ROR1: variants seen among roughly 807,000 people sequenced by gnomAD.
The protein encoded by ROR1 is ROR family WNT receptor 1, also known as inactive tyrosine-protein kinase transmembrane receptor ROR1.
A neutral mutation model predicts 78.8 loss-of-function variants in ROR1; 19 were observed. The observed-to-expected ratio is 0.24, with a 90% CI of 0.17 to 0.35. The LOEUF (loss-of-function observed/expected upper bound fraction) is 0.35. ROR1 is among the 10% of genes least tolerant of loss of function. The pLI, the probability that ROR1 is intolerant of heterozygous loss-of-function variation, is 1.00. For synonymous variants in ROR1, 386 were observed against 433.6 expected (o/e 0.89, Z 1.36); for missense variants, 917 against 1,177.8 (o/e 0.78, Z 3.24).
At chr1:63,839,398 A>ATCTG (rs1174286835) in intron 1 of ROR1, among the ~76,000 whole-genome samples, 1 of 145,708 alleles carries the variant, frequency 6.9e-6, no homozygotes, top group Non-Finnish European at 1.5e-5. Flanking sequence ...CTATCTATCT[A>ATCTG]TCTAATTTGG....
At chr1:64,123,603 A>G (rs566244796) in intron 4 of ROR1, among the ~76,000 whole-genome samples, 1 of 152,232 alleles carries the variant, frequency 6.6e-6, no homozygotes, top group African/African-American at 2.4e-5. Flanking sequence ...CAAACAGTTC[A>G]TGTAATAACT....
chr1:64,069,175 T>TA lies in ROR1; in HGVS notation c.482+18469dup, dbSNP rs544365037. Among the ~76,000 whole-genome samples, 64 of 150,026 alleles carry TA rather than the reference T, an allele frequency of 4.3e-4. 1 individual carries two copies. The highest frequency in any genetic ancestry group is 6.3e-4 in the African/African-American group (26 of 41,020). On this transcript the variant is annotated intron_variant, in intron 4 of 8. Coordinates refer to ENST00000371079, the MANE Select transcript of ROR1 (RefSeq NM_005012.4). ...TTTTAACTGGTGGCGGGGGGAACTT[T>TA]AAAAAAAAAATCAAAATCACTGTGT... is the stretch of plus-strand genomic sequence containing the variant.
chr1:63,830,567 A>G (rs1644981343), intron 1 of ROR1, among the ~76,000 whole-genome samples: 1 of 152,074 alleles, frequency 6.6e-6, no homozygotes, highest in Non-Finnish European at 1.5e-5. Context: ...GCATGGGGGA[A>G]AGCACCCCCA....
At chr1:63,850,300 AT>A (rs34675461) in intron 1 of ROR1, among the ~76,000 whole-genome samples, 64,137 of 152,074 alleles carry the variant, frequency 0.42, 16,522 homozygotes, top group African/African-American at 0.73. Flanking sequence ...TCCTGCCTTC[AT>A]TTTTTTGTGT....
At chr1:64,068,895 C>T (rs1445362863) in intron 4 of ROR1, among the ~76,000 whole-genome samples, 1 of 152,140 alleles carries the variant, frequency 6.6e-6, no homozygotes, top group Admixed American at 6.5e-5. Flanking sequence ...TCAAGTTTCT[C>T]TTGTATGTCA....
chr1:63,870,059 G>A (rs529046728), intron 1 of ROR1, among the ~76,000 whole-genome samples: 1 of 152,306 alleles, frequency 6.6e-6, no homozygotes, highest in East Asian at 1.9e-4. Flanking sequence ...GGAAAAATGT[G>A]TGTGGGCTCA....
intron 1 of ROR1, among the ~76,000 whole-genome samples, chr1:63,827,587 T>C (rs1405854863): frequency 6.6e-6 from 1 of 152,170 alleles, no homozygotes; most frequent in Non-Finnish European, 1.5e-5. Flanking sequence ...TGCCAAGGCG[T>C]TGATGACACA....
At chr1:63,981,289 T>A (rs285346) in intron 1 of ROR1, among the ~76,000 whole-genome samples, 2 of 151,890 alleles carry the variant, frequency 1.3e-5, no homozygotes, top group Non-Finnish European at 2.9e-5. Context: ...TGACCCAGTC[T>A]AACAGCCTCC....
intron 1 of ROR1, among the ~76,000 whole-genome samples, chr1:63,948,106 A>G (rs953235535): frequency 2.0e-5 from 3 of 152,180 alleles, no homozygotes; most frequent in Non-Finnish European, 2.9e-5. Flanking sequence ...GTAGTAAGTT[A>G]CTGACGTGGA....
At chr1:63,797,872 T>C (rs74671484) in intron 1 of ROR1, among the ~76,000 whole-genome samples, 1 of 150,104 alleles carries the variant, frequency 6.7e-6, no homozygotes, top group African/African-American at 2.5e-5. Flanking sequence ...TTTTTTTTTT[T>C]CCATGTTCTC....
At chr1:64,114,274 C>T (rs183335555) in intron 4 of ROR1, among the ~76,000 whole-genome samples, 2 of 152,290 alleles carry the variant, frequency 1.3e-5, no homozygotes, top group Non-Finnish European at 2.9e-5. Context: ...GAAATCACAC[C>T]ATCGGAATTC....
At chr1:64,129,226 A>G (rs566626350) in intron 4 of ROR1, among the ~76,000 whole-genome samples, 3 of 152,338 alleles carry the variant, frequency 2.0e-5, no homozygotes, top group African/African-American at 7.2e-5. Context: ...TCTGAGTAGT[A>G]AGATGAAATT....
chr1:64,009,475 C>G (rs542061066), intron 2 of ROR1, 99 bp downstream of exon 2: 1 of 898,026 alleles, frequency 1.1e-6, no homozygotes, highest in Admixed American at 1.9e-5. Context: ...TTTCAGATCA[C>G]TGCAAGGAGG....
intron 1 of ROR1, chr1:63,788,824 G>C: frequency 1.5e-6 from 1 of 651,396 alleles, no homozygotes; most frequent in Non-Finnish European, 2.9e-6. Flanking sequence ...AGACCTCTGG[G>C]CCTCAACCTG....
intron 1 of ROR1, among the ~76,000 whole-genome samples, chr1:63,849,808 G>C (rs11208305): frequency 0.21 from 32,267 of 152,110 alleles, 3,630 homozygotes; most frequent in Middle Eastern, 0.26. Flanking sequence ...AAGCCATCGT[G>C]CTTTGTTTTC....
At chr1:64,123,415 C>T (rs1648611388) in intron 4 of ROR1, among the ~76,000 whole-genome samples, 1 of 152,198 alleles carries the variant, frequency 6.6e-6, no homozygotes, top group Non-Finnish European at 1.5e-5. Context: ...GAAAAGAACA[C>T]TGTGCCTGGC....
At chr1:63,912,258 A>T (rs1645576960) in intron 1 of ROR1, among the ~76,000 whole-genome samples, 1 of 150,916 alleles carries the variant, frequency 6.6e-6, no homozygotes, top group South Asian at 2.1e-4. Flanking sequence ...TGATGGTACC[A>T]TTGTACTCCA....
At chr1:63,975,162 G>T (rs972217782) in intron 1 of ROR1, among the ~76,000 whole-genome samples, 4 of 152,122 alleles carry the variant, frequency 2.6e-5, no homozygotes, top group Non-Finnish European at 5.9e-5. Context: ...TTCTTTGGAG[G>T]TGCTAACGAG....
At chr1:63,841,291 C>T (rs1200842589) in intron 1 of ROR1, among the ~76,000 whole-genome samples, 1 of 152,192 alleles carries the variant, frequency 6.6e-6, no homozygotes, top group Non-Finnish European at 1.5e-5. Flanking sequence ...GTATGTGCCA[C>T]CACCCTGCTT....
Sources: gnomAD v4.1 joint callset for allele counts (sites outside exome capture counted in the v4.1 genomes callset) on GRCh38, gnomAD v4.1.1 for gene constraint, MANE v1.5 for transcripts, NCBI Gene and HGNC (gene_info 2026-07-23, HGNC 2026-07-21) for gene names.